The following KIAA1549 variants were observed in gnomAD, a reference collection of about 807,000 sequenced individuals.
The protein encoded by KIAA1549 is KIAA1549.
Under a neutral mutation model 156.4 loss-of-function variants are expected in KIAA1549, and 70 were observed. The ratio of observed to expected loss-of-function variants is 0.45; its 90% CI spans 0.37 to 0.55. The LOEUF is 0.55. Among genes scored for constraint, KIAA1549 ranks in the 20% least tolerant of loss-of-function variants. The probability of loss-of-function intolerance (pLI) is 0.00; values close to 1 mark genes in which losing one functional copy is unlikely to be tolerated. For synonymous variants in KIAA1549, 1,103 were observed against 1,066.4 expected (o/e 1.03, Z -0.67); for missense variants, 2,428 against 2,540.9 (o/e 0.96, Z 0.96).
intron 1 of KIAA1549, among the ~76,000 whole-genome samples, chr7:138,959,403 C>A (rs778398125): frequency 2.0e-5 from 3 of 152,142 alleles, no homozygotes; most frequent in Admixed American, 6.5e-5. Context: ...ATGACGCTAA[C>A]GGGGCTCCCA....
intron 15 of KIAA1549, among the ~76,000 whole-genome samples, chr7:138,867,694 G>A (rs909144075): frequency 1.3e-5 from 2 of 152,208 alleles, no homozygotes; most frequent in East Asian, 1.9e-4. Context: ...AAGTCTGAGA[G>A]AACGGGGCTT....
chr7:138,958,771 A>G (rs1234383037), intron 1 of KIAA1549, among the ~76,000 whole-genome samples: 1 of 152,210 alleles, frequency 6.6e-6, no homozygotes, highest in Non-Finnish European at 1.5e-5. Context: ...CTCAGCAACA[A>G]TCCAAGATGA....
At chr7:138,921,957 G>A (rs11766375) in intron 1 of KIAA1549, among the ~76,000 whole-genome samples, 29,306 of 152,198 alleles carry the variant, frequency 0.19, 3,015 homozygotes, top group African/African-American at 0.25. Flanking sequence ...AGAGCATGAT[G>A]ATGCGTCTAC....
chr7:138,931,142 C>T (rs1463115352), intron 1 of KIAA1549, among the ~76,000 whole-genome samples: 2 of 152,078 alleles, frequency 1.3e-5, no homozygotes, highest in Non-Finnish European at 2.9e-5. Flanking sequence ...GCAGAGTTTG[C>T]GGCACCCCAG....
At position 138,856,036 on chromosome 7, in the gene KIAA1549, AT is replaced by A. The variant is rs57818656; in HGVS notation, c.5248-3768del. Among the ~76,000 whole-genome samples the A allele has an allele frequency of 8.2e-3, 1,162 of 141,652 alleles. 15 individuals carry two copies. Among genetic ancestry groups the A allele is most frequent in the African/African-American group, 0.026 (1,009 of 38,488 alleles). The allele number at this position is 141,652 out of a possible 152,430, so 92.9% of individuals were successfully genotyped here. On this transcript the variant is annotated intron_variant, in intron 16 of 19. Coordinates refer to ENST00000422774, the MANE Select transcript of KIAA1549 (RefSeq NM_001164665.2). Reference sequence around the variant, plus strand: ...CATTTCTTTTTTTATTATTTATTTTATTTTTTTTTTTTTGAGACAGAGTCTC... The same window carrying A: ...CATTTCTTTTTTTATTATTTATTTTATTTTTTTTTTTTGAGACAGAGTCTC...
chr7:138,962,041 T>G (rs1813869032), intron 1 of KIAA1549, among the ~76,000 whole-genome samples: 1 of 152,162 alleles, frequency 6.6e-6, no homozygotes, highest in South Asian at 2.1e-4. Flanking sequence ...TGTGCAAGGA[T>G]GCACTGGAGT....
chr7:138,837,892 C>A lies in KIAA1549; in HGVS notation c.*14G>T, dbSNP rs779277596. On this transcript the variant is annotated 3_prime_UTR_variant, in exon 20 of 20. Transcript: ENST00000422774. The stretch of plus-strand genomic sequence containing the variant: ...AGGAAGCGGATACTTGGCAAATCTG[C>A]GAGGCGAGGCCGATCAGCTGTGGAA... 2.5e-6 allele frequency: 4 copies of A among 1,609,850 alleles called. No individual in the cohort carries two copies. The highest frequency in any genetic ancestry group is 3.4e-6 in the Non-Finnish European group (4 of 1,178,166).
chr7:138,906,000 G>A (rs1183715378), intron 6 of KIAA1549, among the ~76,000 whole-genome samples: 1 of 152,112 alleles, frequency 6.6e-6, no homozygotes, highest in African/African-American at 2.4e-5. Context: ...CTTAAGCTCT[G>A]ACAACCACAG....
intron 18 of KIAA1549, among the ~76,000 whole-genome samples, chr7:138,841,668 G>C (rs1350366580): frequency 6.6e-6 from 1 of 152,154 alleles, no homozygotes; most frequent in Admixed American, 6.5e-5. Context: ...TCTAAAGGAG[G>C]CACCTCCTCC....
chr7:138,940,121 C>T (rs530058053), intron 1 of KIAA1549, among the ~76,000 whole-genome samples: 2 of 152,090 alleles, frequency 1.3e-5, no homozygotes, highest in Non-Finnish European at 1.5e-5. Context: ...CCCATTAACT[C>T]GTCATTTATA....
At chr7:138,894,867 T>C (rs535597764) in intron 9 of KIAA1549, among the ~76,000 whole-genome samples, 28 of 152,166 alleles carry the variant, frequency 1.8e-4, no homozygotes, top group Non-Finnish European at 3.5e-4. Context: ...ACACCAAAAC[T>C]GGTTCTGCAC....
chr7:138,916,937 C>A lies in KIAA1549; in HGVS notation c.2689G>T (p.Asp897Tyr), dbSNP rs141705276. The A allele has an allele frequency of 1.9e-6, 3 of 1,609,298 alleles. No individual in the cohort carries two copies. In the African/African-American group the frequency reaches 4.0e-5, roughly 21 times the overall value. The change falls in exon 2 of 20, where the codon GAC becomes TAC. Residue 897 changes from aspartate to tyrosine, a missense_variant. Transcript: ENST00000422774. Reference protein sequence around the residue: ...STGAATGGPLDSTLMGDAASQ... With the variant: ...STGAATGGPLYSTLMGDAASQ... ...GCGGCGTCACCCATCAGGGTGGAGT[C>A]GAGGGGACCACCAGTGGCAGCACCG...
intron 7 of KIAA1549, 52 bp from the exon 8 acceptor site, chr7:138,903,788 AAAC>A: frequency 6.7e-7 from 1 of 1,490,452 alleles, no homozygotes; most frequent in Non-Finnish European, 9.0e-7. Flanking sequence ...AGCAGTAAAA[AAAC>A]AGTGTGTGTG....
intron 9 of KIAA1549, among the ~76,000 whole-genome samples, chr7:138,898,517 C>A (rs955731718): frequency 2.0e-5 from 3 of 151,982 alleles, no homozygotes; most frequent in Non-Finnish European, 2.9e-5. Flanking sequence ...GTTAAAAGAC[C>A]CTGAAGGAAA....
In KIAA1549 at chr7:138,840,033, G is replaced by A. The variant is rs566217780; in HGVS notation, c.5598+100C>T. 3.5e-4 allele frequency: 365 copies of A among 1,036,578 alleles called. 2 individuals carry two copies. Among genetic ancestry groups the A allele is most frequent in the African/African-American group, 1.7e-3 (106 of 61,854 alleles). The allele number at this position is 1,036,578 out of a possible 1,614,324, so 64.2% of individuals were successfully genotyped here. A position where few individuals can be genotyped will look rare whatever the true frequency, so the allele number is the denominator to read the frequency against. Reference sequence around the variant, plus strand: ...TCTCAAACTCCTGACTTCGTGATCCGCCCGCCTCGGCCTCCCAAAGTGCTG... The same window carrying A: ...TCTCAAACTCCTGACTTCGTGATCCACCCGCCTCGGCCTCCCAAAGTGCTG... On this transcript the variant is annotated intron_variant, in intron 19 of 19. Transcript: ENST00000422774.
chr7:138,858,031 G>A (rs1387286629), intron 16 of KIAA1549, among the ~76,000 whole-genome samples: 6 of 151,952 alleles, frequency 3.9e-5, no homozygotes, highest in Non-Finnish European at 8.8e-5. Flanking sequence ...CAACCATCTT[G>A]GTATCTGTTT....
Position 138,881,393 on chromosome 7 carries a change from T to A in KIAA1549, c.4224A>T (p.Arg1408Ser). The change falls in exon 11 of 20, where the codon AGA (arginine) becomes AGT (serine). Residue 1408 changes from arginine to serine, a missense_variant. Physicochemically the swap from Arg to Ser is moderately radical, Grantham distance 110. Coordinates refer to ENST00000422774, the MANE Select transcript of KIAA1549 (RefSeq NM_001164665.2). ...SKIPSKNVRH[R>S]GRVSPSDADS... is the part of the protein sequence containing the mutation. Reference sequence around the variant, plus strand: ...ACAGAAAGCCCAATAATAACCTTCCTCTGTGACGAACATTCTTGGAAGGGA... The same window carrying A: ...ACAGAAAGCCCAATAATAACCTTCCACTGTGACGAACATTCTTGGAAGGGA... The A allele has an allele frequency of 1.9e-6, 3 of 1,613,208 alleles. No individual in the cohort carries two copies. The highest frequency in any genetic ancestry group is 1.7e-6 in the Non-Finnish European group (2 of 1,179,656).
At chr7:138,866,732 C>T (rs952149851) in intron 15 of KIAA1549, among the ~76,000 whole-genome samples, 2 of 152,196 alleles carry the variant, frequency 1.3e-5, no homozygotes, top group African/African-American at 2.4e-5. Context: ...ATGCATCTTA[C>T]GCTATCAATA....
chr7:138,852,397 C>T (rs527273414), intron 16 of KIAA1549, 128 bp from the exon 17 acceptor site: 1 of 659,682 alleles, frequency 1.5e-6, no homozygotes, highest in South Asian at 2.5e-5. Flanking sequence ...TAAAACTTAG[C>T]ATGTTACCGG....
Sources: allele counts gnomAD v4.1 joint callset (sites outside exome capture counted in the v4.1 genomes callset), GRCh38; gene constraint gnomAD v4.1.1; transcripts MANE v1.5; gene names NCBI Gene and HGNC (gene_info 2026-07-23, HGNC 2026-07-21).